The following ROR2 variants were observed in gnomAD, a reference collection of about 807,000 sequenced individuals.
ROR2 encodes the protein ROR family WNT receptor 2.
ROR2 carries 33 observed loss-of-function variants against 74.9 expected under a neutral mutation model. The ratio of observed to expected loss-of-function variants is 0.44; its 90% CI spans 0.33 to 0.59. The LOEUF (loss-of-function observed/expected upper bound fraction) is 0.59. ROR2 is among the 20% of genes least tolerant of loss of function. The probability of loss-of-function intolerance (pLI) is 0.02; values close to 1 mark genes in which losing one functional copy is unlikely to be tolerated. For missense variants in ROR2, 1,216 were observed against 1,313.8 expected (o/e 0.93, Z 1.15); for synonymous variants, 586 against 558.7 (o/e 1.05, Z -0.69).
chr9:91,757,222 C>T (rs1390180655), intron 3 of ROR2, 50 bp downstream of exon 3: 2 of 1,611,450 alleles, frequency 1.2e-6, no homozygotes, highest in East Asian at 2.2e-5. Flanking sequence ...TGCTCGGTGG[C>T]TGGGAACCTT....
In ROR2 at chr9:91,832,367, CAAAAAAAAAAAAA is replaced by C. The variant is rs10677451; in HGVS notation, c.98-56562_98-56550del. Reference sequence around the variant, plus strand: ...TTGTCAACTTCTGGGGTCACAATGGCAAAAAAAAAAAAAAAAAAAAAAAAAAAGGCTGTGTCCC... The same window carrying C: ...TTGTCAACTTCTGGGGTCACAATGGCAAAAAAAAAAAAAAGGCTGTGTCCC... On this transcript the variant is annotated intron_variant, in intron 1 of 8. Transcript: ENST00000375708. Among the ~76,000 whole-genome samples, 357 of 38,360 alleles carry C rather than the reference CAAAAAAAAAAAAA, an allele frequency of 9.3e-3. 3 individuals carry two copies. The highest frequency in any genetic ancestry group is 0.032 in the African/African-American group (341 of 10,576). The allele number at this position is 38,360 out of a possible 152,430, so 25.2% of individuals were successfully genotyped here.
chr9:91,764,559 T>TAC (rs11405599), intron 2 of ROR2, among the ~76,000 whole-genome samples: 33,151 of 147,558 alleles, frequency 0.22, 3,741 homozygotes, highest in Middle Eastern at 0.3. Context: ...TATAATCACT[T>TAC]ACACACACAC....
chr9:91,928,111 C>T (rs1831458203), intron 1 of ROR2, among the ~76,000 whole-genome samples: 1 of 152,112 alleles, frequency 6.6e-6, no homozygotes, highest in Admixed American at 6.5e-5. Flanking sequence ...CTGCCACCAC[C>T]TTCTGCATTA....
chr9:91,817,776 A>C lies in ROR2; in HGVS notation c.98-41958T>G, dbSNP rs557205410. 9.2e-5 allele frequency among the ~76,000 whole-genome samples: 14 copies of C among 152,286 alleles called. 1 individual carries two copies. In the South Asian group the frequency reaches 2.9e-3, roughly 32 times the overall value. ...AAGGCTGGGTTTAACGACAGTGATTAAGATTTACTTAGGGAGTAAAAGCAA... is the reference window on the plus strand; with the variant it reads ...AAGGCTGGGTTTAACGACAGTGATTCAGATTTACTTAGGGAGTAAAAGCAA... On this transcript the variant is annotated intron_variant, in intron 1 of 8. Transcript: ENST00000375708.
At chr9:91,907,648 T>C (rs1159098439) in intron 1 of ROR2, among the ~76,000 whole-genome samples, 1 of 152,162 alleles carries the variant, frequency 6.6e-6, no homozygotes, top group Non-Finnish European at 1.5e-5. Flanking sequence ...CGCTTCCCAC[T>C]CACTGCAATG....
At chr9:91,726,240 C>A (rs1175676627) in intron 8 of ROR2, among the ~76,000 whole-genome samples, 1 of 152,174 alleles carries the variant, frequency 6.6e-6, no homozygotes, top group East Asian at 1.9e-4. Context: ...GTCTTCTGGG[C>A]AGAGCTGAGG....
chr9:91,824,798 A>G (rs1028615091), intron 1 of ROR2, among the ~76,000 whole-genome samples: 2 of 152,182 alleles, frequency 1.3e-5, no homozygotes, highest in Non-Finnish European at 2.9e-5. Context: ...ACGCTCTGGA[A>G]CCAGCCCATG....
chr9:91,764,691 T>C (rs1402431207), intron 2 of ROR2, among the ~76,000 whole-genome samples: 1 of 152,152 alleles, frequency 6.6e-6, no homozygotes, highest in Non-Finnish European at 1.5e-5. Flanking sequence ...ACCAACTTCT[T>C]TCCTCACCAA....
At chr9:91,801,115 G>A (rs1002266394) in intron 1 of ROR2, among the ~76,000 whole-genome samples, 2 of 152,002 alleles carry the variant, frequency 1.3e-5, no homozygotes, top group East Asian at 3.9e-4. Context: ...ATTTTCATAT[G>A]TAAAGAATTC....
At chr9:91,846,165 T>C (rs1309020456) in intron 1 of ROR2, among the ~76,000 whole-genome samples, 1 of 152,206 alleles carries the variant, frequency 6.6e-6, no homozygotes, top group Non-Finnish European at 1.5e-5. Context: ...TGTCTCTTCA[T>C]CTTAAAGCTT....
intron 1 of ROR2, among the ~76,000 whole-genome samples, chr9:91,866,485 T>C (rs538851033): frequency 2.0e-5 from 3 of 147,170 alleles, no homozygotes; most frequent in East Asian, 4.1e-4. Context: ...TGGCATGATC[T>C]TGGCTCACTG....
chr9:91,775,683 T>A, intron 2 of ROR2, 58 bp downstream of exon 2: 1 of 1,529,130 alleles, frequency 6.5e-7, no homozygotes, highest in East Asian at 2.2e-5. Flanking sequence ...CAGTGCAAGA[T>A]GAGCCTCAGC....
chr9:91,902,413 CT>C (rs1830697849), intron 1 of ROR2, among the ~76,000 whole-genome samples: 2 of 152,056 alleles, frequency 1.3e-5, no homozygotes, highest in South Asian at 4.2e-4. Flanking sequence ...GCCCACCCTG[CT>C]TGTACCTCTC....
intron 1 of ROR2, among the ~76,000 whole-genome samples, chr9:91,891,499 C>T (rs1267975379): frequency 6.6e-6 from 1 of 152,174 alleles, no homozygotes; most frequent in Non-Finnish European, 1.5e-5. Flanking sequence ...AAACTCCTGA[C>T]CTCTGGTGAT....
intron 1 of ROR2, among the ~76,000 whole-genome samples, chr9:91,876,014 G>A (rs1829946171): frequency 1.3e-5 from 2 of 151,644 alleles, no homozygotes; most frequent in Non-Finnish European, 1.5e-5. Context: ...CTGGCACTCA[G>A]GCATTTCTAC....
intron 1 of ROR2, among the ~76,000 whole-genome samples, chr9:91,843,016 A>G (rs998371522): frequency 6.6e-6 from 1 of 152,208 alleles, no homozygotes; most frequent in African/African-American, 2.4e-5. Flanking sequence ...CTTTACATTT[A>G]CAAACTATTT....
intron 1 of ROR2, among the ~76,000 whole-genome samples, chr9:91,788,942 G>T (rs746060799): frequency 1.3e-5 from 2 of 152,026 alleles, no homozygotes; most frequent in African/African-American, 2.4e-5. Context: ...GATCATAGAA[G>T]TAGAGAGTAG....
At chr9:91,775,678 C>A (rs1183606421) in intron 2 of ROR2, 63 bp downstream of exon 2, 1 of 1,509,870 alleles carries the variant, frequency 6.6e-7, no homozygotes, top group Non-Finnish European at 9.2e-7. Context: ...AATGGCAGTG[C>A]AAGATGAGCC....
intron 1 of ROR2, among the ~76,000 whole-genome samples, chr9:91,927,562 CTTTTTTT>C (rs775823582): frequency 1.1e-5 from 1 of 94,944 alleles, no homozygotes; most frequent in African/African-American, 4.4e-5. Context: ...TTTCTAGATT[CTTTTTTT>C]TTTTTTTTTT....
Sources: allele counts gnomAD v4.1 joint callset (sites outside exome capture counted in the v4.1 genomes callset), GRCh38; gene constraint gnomAD v4.1.1; transcripts MANE v1.5; gene names NCBI Gene and HGNC (gene_info 2026-07-23, HGNC 2026-07-21).